The following LYPD6B variants were observed in gnomAD, a reference collection of about 807,000 sequenced individuals.
LYPD6B encodes the protein LY6/PLAUR domain containing 6B.
A neutral mutation model predicts 22.8 loss-of-function variants in LYPD6B; 17 were observed. That is an observed-to-expected ratio of 0.75 (90% confidence interval 0.51 to 1.12). The LOEUF is 1.12. Among genes scored for constraint, LYPD6B ranks in the 50% most tolerant of loss-of-function variants. The probability of loss-of-function intolerance (pLI) is 0.00; values close to 1 mark genes in which losing one functional copy is unlikely to be tolerated. For synonymous variants in LYPD6B, 106 were observed against 91.6 expected, an observed-to-expected ratio of 1.16 and a Z score of -0.90; for missense variants, 221 against 258.3, an observed-to-expected ratio of 0.86 and a Z score of 0.99.
chr2:149,198,926 C>A (rs1319135004), intron 3 of LYPD6B, among the ~76,000 whole-genome samples: 1 of 152,186 alleles, frequency 6.6e-6, no homozygotes, highest in Non-Finnish European at 1.5e-5. Flanking sequence ...GGGACCTTGG[C>A]AGTCATTCAT....
At chr2:149,112,371 C>T (rs558206217) in intron 1 of LYPD6B, among the ~76,000 whole-genome samples, 9 of 151,942 alleles carry the variant, frequency 5.9e-5, no homozygotes, top group Admixed American at 1.3e-4. Flanking sequence ...AGATGCAATC[C>T]TCACAAGGTT....
At chr2:149,044,490 T>G (rs920131638) in intron 1 of LYPD6B, among the ~76,000 whole-genome samples, 3 of 152,052 alleles carry the variant, frequency 2.0e-5, no homozygotes, top group Admixed American at 1.3e-4. Flanking sequence ...CTTTGTAGAT[T>G]CTTTGGAATT....
intron 3 of LYPD6B, among the ~76,000 whole-genome samples, chr2:149,175,998 A>G (rs574126625): frequency 6.6e-6 from 1 of 152,332 alleles, no homozygotes; most frequent in African/African-American, 2.4e-5. Flanking sequence ...TAAAATAATA[A>G]TAAAATATAG....
chr2:149,178,675 A>G (rs1356176889), intron 3 of LYPD6B, among the ~76,000 whole-genome samples: 1 of 152,230 alleles, frequency 6.6e-6, no homozygotes, highest in Admixed American at 6.5e-5. Flanking sequence ...ATACTAATAC[A>G]TTGTAGACAT....
At chr2:149,127,063 G>A (rs948384731) in intron 1 of LYPD6B, among the ~76,000 whole-genome samples, 7 of 149,938 alleles carry the variant, frequency 4.7e-5, no homozygotes, top group Non-Finnish European at 1.0e-4. Context: ...AATTCTCTAT[G>A]GCTAGTTTGC....
At chr2:149,092,899 A>G (rs1014426526) in intron 1 of LYPD6B, among the ~76,000 whole-genome samples, 11 of 152,256 alleles carry the variant, frequency 7.2e-5, no homozygotes, top group Admixed American at 1.3e-4. Flanking sequence ...TTATCTTCTA[A>G]AGCCATTGCT....
At chr2:149,154,109 AT>A (rs1433668796) in intron 2 of LYPD6B, 2 of 801,992 alleles carry the variant, frequency 2.5e-6, no homozygotes, top group South Asian at 5.7e-5. Context: ...GTGGATTTGT[AT>A]TTCCCCCATC....
chr2:149,081,421 T>C (rs933161992), intron 1 of LYPD6B, among the ~76,000 whole-genome samples: 2 of 152,178 alleles, frequency 1.3e-5, no homozygotes, highest in African/African-American at 4.8e-5. Flanking sequence ...TGTTTTCATA[T>C]TTTGAATTAA....
chr2:149,042,053 C>T (rs1157540480), intron 1 of LYPD6B, among the ~76,000 whole-genome samples: 1 of 152,198 alleles, frequency 6.6e-6, no homozygotes, highest in Non-Finnish European at 1.5e-5. Context: ...CTCCCTGTCC[C>T]TCTCTTGAGA....
chr2:149,150,487 T>G (rs1026330353), intron 2 of LYPD6B, among the ~76,000 whole-genome samples: 1 of 152,200 alleles, frequency 6.6e-6, no homozygotes, highest in African/African-American at 2.4e-5. Flanking sequence ...TTTGTTTGTT[T>G]GTTTGTTTTT....
chr2:149,086,821 G>C (rs747605978), intron 1 of LYPD6B, among the ~76,000 whole-genome samples: 3 of 152,224 alleles, frequency 2.0e-5, no homozygotes, highest in Non-Finnish European at 4.4e-5. Context: ...CTCTCTCCCA[G>C]GCTTCCACAT....
At chr2:149,200,292 G>A (rs2106114998) in intron 3 of LYPD6B, among the ~76,000 whole-genome samples, 1 of 152,274 alleles carries the variant, frequency 6.6e-6, no homozygotes, top group East Asian at 1.9e-4. Flanking sequence ...TAGCAATTGT[G>A]CAAGAAATGG....
chr2:149,150,900 T>C (rs896879706), intron 2 of LYPD6B, among the ~76,000 whole-genome samples: 3 of 99,754 alleles, frequency 3.0e-5, no homozygotes, highest in Non-Finnish European at 6.7e-5. Flanking sequence ...TTAACCCTTC[T>C]ACTGATTTTT....
At position 149,205,416 on chromosome 2, in the gene LYPD6B, T is replaced by C. The variant is rs762610358; in HGVS notation, c.229+12T>C. The C allele has an allele frequency of 1.4e-5, 22 of 1,612,986 alleles. No homozygotes were observed. The Admixed American group carries it at 3.3e-4, about 24-fold the overall frequency. ...GCCTCCTCTCGACCGTAAGTAGTGG[T>C]GGTTGCCATCCTAGTTCATGGCTGT... On this transcript the variant is annotated intron_variant, in intron 4 of 6. Transcript: ENST00000409642.
chr2:149,175,023 ATCTCTCTCTCTC>A lies in LYPD6B; in HGVS notation c.77+14216_77+14227del, dbSNP rs142556922. On this transcript the variant is annotated intron_variant, in intron 3 of 6. Coordinates refer to ENST00000409642, the MANE Select transcript of LYPD6B (RefSeq NM_177964.5). ...TAATACTCTGTGAATAATCTCTTTA[ATCTCTCTCTCTC>A]TCTCTCTCTCTCTCTCTCTCTCTCT... Among the ~76,000 whole-genome samples, 208 of 125,824 alleles carry A rather than the reference ATCTCTCTCTCTC, an allele frequency of 1.7e-3. 1 individual carries two copies. Among genetic ancestry groups the A allele is most frequent in the African/African-American group, 5.4e-3 (182 of 33,682 alleles). 82.5% of individuals were successfully genotyped at this position (125,824 alleles called of 152,430 possible).
At chr2:149,083,392 T>C (rs1022930386) in intron 1 of LYPD6B, among the ~76,000 whole-genome samples, 2 of 152,236 alleles carry the variant, frequency 1.3e-5, no homozygotes, top group Admixed American at 6.5e-5. Flanking sequence ...ATTTTCGAAT[T>C]TCCCTGCTTA....
At chr2:149,093,152 C>G (rs963800316) in intron 1 of LYPD6B, among the ~76,000 whole-genome samples, 1 of 152,176 alleles carries the variant, frequency 6.6e-6, no homozygotes, top group Admixed American at 6.5e-5. Context: ...CAGAGGAAGA[C>G]AGTTGCCAGG....
chr2:149,062,665 A>G (rs780533125), intron 1 of LYPD6B, among the ~76,000 whole-genome samples: 27 of 152,170 alleles, frequency 1.8e-4, no homozygotes, highest in Non-Finnish European at 3.5e-4. Flanking sequence ...AAGAATAGAC[A>G]TGCAGAAATC....
At chr2:149,106,661 G>GT (rs1425372361) in intron 1 of LYPD6B, among the ~76,000 whole-genome samples, 1 of 151,762 alleles carries the variant, frequency 6.6e-6, no homozygotes, top group African/African-American at 2.4e-5. Flanking sequence ...GATAATTTGT[G>GT]TTTTTTTCCT....
Sources: allele counts gnomAD v4.1 joint callset (sites outside exome capture counted in the v4.1 genomes callset), GRCh38; gene constraint gnomAD v4.1.1; transcripts MANE v1.5; gene names NCBI Gene and HGNC (gene_info 2026-07-23, HGNC 2026-07-21).